Variants in TOGARAM2 observed in about 807,000 individuals in gnomAD.
TOGARAM2 encodes the protein TOG array regulator of axonemal microtubules 2.
TOGARAM2 carries 85 observed loss-of-function variants against 93.3 expected under a neutral mutation model. That is an observed-to-expected ratio of 0.91 (90% CI 0.76 to 1.09). The LOEUF is 1.09. Ranked by LOEUF, TOGARAM2 falls within the 50% of genes least tolerant of loss-of-function variation. The pLI is 0.00. For synonymous variants in TOGARAM2, 593 were observed against 552.8 expected, an observed-to-expected ratio of 1.07 and a Z score of -1.02; for missense variants, 1,277 against 1,334.5, an observed-to-expected ratio of 0.96 and a Z score of 0.67.
chr2:29,037,933 T>C (rs937238836), intron 18 of TOGARAM2, among the ~76,000 whole-genome samples: 1 of 152,146 alleles, frequency 6.6e-6, no homozygotes, highest in Non-Finnish European at 1.5e-5. Flanking sequence ...CCAAGCAAAA[T>C]AGGCTTTAGC....
intron 6 of TOGARAM2, among the ~76,000 whole-genome samples, chr2:29,011,181 T>C (rs567181822): frequency 6.6e-6 from 1 of 152,324 alleles, no homozygotes; most frequent in South Asian, 2.1e-4. Flanking sequence ...GCAGTTTCTG[T>C]GTGGGTGTCA....
chr2:29,020,538 G>T (rs1469019392), intron 10 of TOGARAM2, among the ~76,000 whole-genome samples: 1 of 152,196 alleles, frequency 6.6e-6, no homozygotes, highest in East Asian at 1.9e-4. Flanking sequence ...GTCAGAGGTA[G>T]GGCAAAGGGG....
intron 4 of TOGARAM2, among the ~76,000 whole-genome samples, chr2:29,001,579 C>A (rs1373704345): frequency 6.6e-6 from 1 of 152,006 alleles, no homozygotes; most frequent in African/African-American, 2.4e-5. Flanking sequence ...CGGCTCACCG[C>A]AACCTCCACC....
intron 9 of TOGARAM2, 82 bp downstream of exon 9, chr2:29,017,386 C>CT (rs1357380262): frequency 1.5e-6 from 2 of 1,315,878 alleles, no homozygotes; most frequent in Admixed American, 3.5e-5. Context: ...GGCCCATTTT[C>CT]TTTTTTAAAA....
upstream of TOGARAM2, among the ~76,000 whole-genome samples, chr2:28,977,708 C>G: frequency 6.6e-6 from 1 of 152,118 alleles, no homozygotes; most frequent in East Asian, 1.9e-4. Flanking sequence ...AGCTCACAGT[C>G]TAGGTCTGTG....
At chr2:28,993,700 G>T (rs979798946) in intron 1 of TOGARAM2, among the ~76,000 whole-genome samples, 5 of 152,208 alleles carry the variant, frequency 3.3e-5, no homozygotes, top group African/African-American at 1.2e-4. Context: ...TGGGTGCTGG[G>T]CTGGGTGCTG....
intron 1 of TOGARAM2, among the ~76,000 whole-genome samples, chr2:28,985,200 G>A (rs957186809): frequency 6.6e-6 from 1 of 151,966 alleles, no homozygotes. Flanking sequence ...CTTGCTCTCT[G>A]TCTCTCTCTC....
intron 8 of TOGARAM2, among the ~76,000 whole-genome samples, chr2:29,016,126 G>A (rs190347857): frequency 2.6e-5 from 4 of 152,168 alleles, no homozygotes; most frequent in Non-Finnish European, 4.4e-5. Flanking sequence ...CTCTCCCCAG[G>A]GGCCCACTCA....
chr2:28,991,503 C>T (rs144413600), intron 1 of TOGARAM2, among the ~76,000 whole-genome samples: 143 of 152,324 alleles, frequency 9.4e-4, no homozygotes, highest in African/African-American at 3.3e-3. Context: ...CTGTTCCCAC[C>T]AGCTTTGTCT....
chr2:29,010,573 A>T (rs1010043506), intron 6 of TOGARAM2, among the ~76,000 whole-genome samples: 2 of 151,836 alleles, frequency 1.3e-5, no homozygotes, highest in African/African-American at 4.8e-5. Context: ...CTGGACTGTG[A>T]TCCTCTGAGG....
At chr2:28,969,908 G>T (rs2148221214) in intron 1 of TOGARAM2, among the ~76,000 whole-genome samples, 1 of 151,174 alleles carries the variant, frequency 6.6e-6, no homozygotes, top group African/African-American at 2.4e-5. Context: ...TGCATCCCGG[G>T]TTCAAGCAAT....
intron 1 of TOGARAM2, among the ~76,000 whole-genome samples, chr2:28,991,481 G>C (rs1054692146): frequency 3.9e-5 from 6 of 152,198 alleles, no homozygotes; most frequent in African/African-American, 1.4e-4. Flanking sequence ...TGTCACCTTG[G>C]TGTGGGCTCT....
rs757999432 is a variant in TOGARAM2, at chr2:29,003,493, C to T, written c.641C>T (p.Ala214Val). 2.0e-5 allele frequency: 30 copies of T among 1,522,550 alleles called. No individual in the cohort carries two copies. The African/African-American group carries it at 2.7e-4, about 14-fold the overall frequency. The allele number at this position is 1,522,550 out of a possible 1,614,324, so 94.3% of individuals were successfully genotyped here. A position where few individuals can be genotyped will look rare whatever the true frequency, so the allele number is the denominator to read the frequency against. Residue 214 changes from alanine (A) to valine (V), a missense_variant and splice_region_variant, in exon 6 of 20, where the codon GCG becomes GTG. Transcript: ENST00000379558. ...PHELRPGAQEAQISWQYLHCN... is the reference protein window; with the variant it reads ...PHELRPGAQEVQISWQYLHCN... ...CCCCTGTCCCGCCTCTGCTCCCAGG[C>T]GCAGATCTCCTGGCAATACCTGCAC...
chr2:29,006,269 G>C (rs1177207068), intron 6 of TOGARAM2, among the ~76,000 whole-genome samples: 2 of 147,972 alleles, frequency 1.4e-5, no homozygotes, highest in Non-Finnish European at 3.0e-5. Context: ...TGTGTGGAGT[G>C]TATATGTGTG....
At chr2:29,038,803 C>T (rs1439957396) in intron 18 of TOGARAM2, among the ~76,000 whole-genome samples, 1 of 152,142 alleles carries the variant, frequency 6.6e-6, no homozygotes, top group East Asian at 1.9e-4. Flanking sequence ...GCTATCTGGG[C>T]CTGATGGCTT....
intron 10 of TOGARAM2, among the ~76,000 whole-genome samples, chr2:29,020,619 T>A (rs1490916835): frequency 6.6e-6 from 1 of 152,198 alleles, no homozygotes; most frequent in Non-Finnish European, 1.5e-5. Context: ...GGTTTGTTTT[T>A]AAATCCAGTG....
intron 1 of TOGARAM2, among the ~76,000 whole-genome samples, chr2:28,993,162 G>A (rs948426083): frequency 1.3e-5 from 2 of 152,142 alleles, no homozygotes; most frequent in Admixed American, 6.5e-5. Context: ...GTGGAAATCT[G>A]TAATTTTAAT....
At chr2:29,045,178 G>GC (rs1558470901) in intron 18 of TOGARAM2, 146 bp from the exon 19 acceptor site, 1 of 622,996 alleles carries the variant, frequency 1.6e-6, no homozygotes, top group Non-Finnish European at 2.8e-6. Flanking sequence ...ACTTTAAGTG[G>GC]CCCCTTTGTG....
At chr2:29,047,807 T>A (rs1666831200) in intron 19 of TOGARAM2, 1 of 151,800 alleles carries the variant, frequency 6.6e-6, no homozygotes, top group Non-Finnish European at 1.5e-5. Flanking sequence ...GGGGCTGAAG[T>A]GTAAACACGC....
Sources: allele counts gnomAD v4.1 joint callset (sites outside exome capture counted in the v4.1 genomes callset), GRCh38; gene constraint gnomAD v4.1.1; transcripts MANE v1.5; gene names NCBI Gene and HGNC (gene_info 2026-07-23, HGNC 2026-07-21).